The following HDAC9 variants were observed in gnomAD, a reference collection of about 807,000 sequenced individuals.
The protein encoded by HDAC9 is MEF-2 interacting transcription repressor (MITR) protein.
In HDAC9, 41 loss-of-function variants were observed where a neutral mutation model predicts 139.4. The ratio of observed to expected loss-of-function variants is 0.29; its 90% confidence interval spans 0.23 to 0.38. HDAC9 has a LOEUF of 0.38. Ranked by LOEUF, HDAC9 falls within the 10% of genes least tolerant of loss-of-function variation. The pLI, the probability that HDAC9 is intolerant of heterozygous loss-of-function variation, is 1.00. For synonymous variants in HDAC9, 517 were observed against 476.2 expected, an observed-to-expected ratio of 1.09 and a Z score of -1.12; for missense variants, 1,147 against 1,297.0, an observed-to-expected ratio of 0.88 and a Z score of 1.78.
At chr7:18,716,097 T>C (rs1459626432) in intron 12 of HDAC9, among the ~76,000 whole-genome samples, 2 of 152,234 alleles carry the variant, frequency 1.3e-5, no homozygotes, top group Non-Finnish European at 2.9e-5. Flanking sequence ...AGATCCATCT[T>C]ATTCAAACGA....
chr7:18,450,209 CAA>C (rs1445952450), intron 1 of HDAC9, among the ~76,000 whole-genome samples: 1 of 152,150 alleles, frequency 6.6e-6, no homozygotes, highest in African/African-American at 2.4e-5. Context: ...CTAGAATAAG[CAA>C]AGTCAGCAAG....
At chr7:18,100,146 T>G (rs983739796) in intron 1 of HDAC9, among the ~76,000 whole-genome samples, 1 of 152,124 alleles carries the variant, frequency 6.6e-6, no homozygotes, top group African/African-American at 2.4e-5. Context: ...CTTCACTGTT[T>G]TATCATTTGC....
chr7:18,414,619 C>T (rs891255356), intron 1 of HDAC9, among the ~76,000 whole-genome samples: 5 of 152,260 alleles, frequency 3.3e-5, no homozygotes, highest in Middle Eastern at 3.4e-3. Context: ...AAATTTTTTA[C>T]ATCTTGCTAT....
At chr7:18,922,620 A>T (rs1803857323) in intron 22 of HDAC9, among the ~76,000 whole-genome samples, 1 of 152,098 alleles carries the variant, frequency 6.6e-6, no homozygotes, top group Non-Finnish European at 1.5e-5. Context: ...CCAAAGGTTA[A>T]ACTCCACTTT....
chr7:18,178,174 C>T (rs1010157770), intron 2 of HDAC9, among the ~76,000 whole-genome samples: 5 of 152,040 alleles, frequency 3.3e-5, no homozygotes, highest in Non-Finnish European at 7.4e-5. Context: ...ACCTCCACCT[C>T]CCTAGTTCAA....
At chr7:18,751,694 G>T (rs1490070156) in intron 14 of HDAC9, among the ~76,000 whole-genome samples, 1 of 152,058 alleles carries the variant, frequency 6.6e-6, no homozygotes, top group Non-Finnish European at 1.5e-5. Flanking sequence ...ATGTGTGAAT[G>T]ATATTAGAAA....
intron 12 of HDAC9, among the ~76,000 whole-genome samples, chr7:18,681,285 G>A (rs1016084105): frequency 6.6e-6 from 1 of 151,884 alleles, no homozygotes; most frequent in Non-Finnish European, 1.5e-5. Flanking sequence ...GTTTGGTCTT[G>A]TTTTCATAAA....
chr7:18,758,069 G>A (rs1349305860), intron 14 of HDAC9, among the ~76,000 whole-genome samples: 3 of 152,126 alleles, frequency 2.0e-5, no homozygotes, highest in Admixed American at 6.6e-5. Flanking sequence ...CACAGGGAAC[G>A]ATAAGGTAAC....
At chr7:18,416,705 ATTATC>A (rs1789100199) in intron 1 of HDAC9, among the ~76,000 whole-genome samples, 1 of 152,082 alleles carries the variant, frequency 6.6e-6, no homozygotes, top group Admixed American at 6.5e-5. Flanking sequence ...ATATTACCTT[ATTATC>A]TTCATAATAT....
upstream of HDAC9, among the ~76,000 whole-genome samples, chr7:18,493,263 A>T (rs1452077395): frequency 6.6e-6 from 1 of 151,946 alleles, no homozygotes; most frequent in Non-Finnish European, 1.5e-5. Flanking sequence ...TGATTTTGTT[A>T]TCTCTTTTGT....
rs566055850 is a variant in HDAC9, at chr7:18,786,911, C to T, written c.2215-6434C>T. Among the ~76,000 whole-genome samples, 10 of 149,648 alleles carry T rather than the reference C, an allele frequency of 6.7e-5. No homozygotes were observed. The East Asian group carries it at 7.9e-4, about 12-fold the overall frequency. ...GCTGGCCCCTGCTGATGCACATTACCGATATTCTGGGGTCTTTACATTGCC... is the reference window on the plus strand; with the variant it reads ...GCTGGCCCCTGCTGATGCACATTACTGATATTCTGGGGTCTTTACATTGCC... On this transcript the variant is annotated intron_variant, in intron 16 of 25. Transcript: ENST00000686413.
intron 13 of HDAC9, among the ~76,000 whole-genome samples, chr7:18,733,981 A>G (rs898549475): frequency 6.6e-6 from 1 of 152,200 alleles, no homozygotes; most frequent in Non-Finnish European, 1.5e-5. Flanking sequence ...ATTTGCAATT[A>G]CTTATCAATG....
At chr7:18,705,844 C>T (rs1783850507) in intron 12 of HDAC9, among the ~76,000 whole-genome samples, 1 of 122,414 alleles carries the variant, frequency 8.2e-6, no homozygotes, top group South Asian at 2.7e-4. Context: ...CAGAGAGAGA[C>T]TCTGTCTCAA....
intron 2 of HDAC9, among the ~76,000 whole-genome samples, chr7:18,561,637 T>G (rs1193406248): frequency 8.2e-6 from 1 of 122,188 alleles, no homozygotes; most frequent in Non-Finnish European, 1.6e-5. Flanking sequence ...ACTAATCTAT[T>G]TTTTTATCTC....
chr7:18,598,285 A>G (rs779740671), intron 6 of HDAC9, among the ~76,000 whole-genome samples: 112 of 152,210 alleles, frequency 7.4e-4, no homozygotes, highest in Non-Finnish European at 9.7e-4. Context: ...AGATTGACGA[A>G]CACTGGAGCA....
intron 2 of HDAC9, among the ~76,000 whole-genome samples, chr7:18,580,620 T>C (rs1827512700): frequency 6.6e-6 from 1 of 152,196 alleles, no homozygotes; most frequent in South Asian, 2.1e-4. Flanking sequence ...ATGTGAATAC[T>C]AATATTTGCT....
chr7:18,454,159 C>T (rs980547704), intron 1 of HDAC9, among the ~76,000 whole-genome samples: 3 of 151,732 alleles, frequency 2.0e-5, no homozygotes, highest in South Asian at 2.1e-4. Context: ...AGGAATTGTC[C>T]GATACATTTA....
At chr7:18,925,776 C>T (rs12539747) in intron 22 of HDAC9, among the ~76,000 whole-genome samples, 17,290 of 151,716 alleles carry the variant, frequency 0.11, 1,072 homozygotes, top group South Asian at 0.24. Flanking sequence ...CACCCTCACC[C>T]CCATCTTTGA....
At chr7:18,479,984 CTTTT>C (rs753734278) in intron 1 of HDAC9, among the ~76,000 whole-genome samples, 15 of 116,172 alleles carry the variant, frequency 1.3e-4, no homozygotes, top group African/African-American at 3.2e-5. Flanking sequence ...TCCACTCTGT[CTTTT>C]TTTTTTTTTT....
Sources: gnomAD v4.1 joint callset for allele counts (sites outside exome capture counted in the v4.1 genomes callset) on GRCh38, gnomAD v4.1.1 for gene constraint, MANE v1.5 for transcripts, NCBI Gene and HGNC (gene_info 2026-07-23, HGNC 2026-07-21) for gene names.